Variants in SLC9A9 observed in about 807,000 individuals in gnomAD.
The protein encoded by SLC9A9 is sodium/hydrogen exchanger 9.
A neutral mutation model predicts 77.8 loss-of-function variants in SLC9A9; 62 were observed. That is an observed-to-expected ratio of 0.80 (90% CI 0.65 to 0.98). SLC9A9 has a LOEUF of 0.98. Ranked by LOEUF, SLC9A9 falls within the 50% of genes least tolerant of loss-of-function variation. The pLI is 0.00. For missense variants in SLC9A9, 775 were observed against 774.9 expected (o/e 1.00, Z 0.00); for synonymous variants, 320 against 283.5 (o/e 1.13, Z -1.29).
intron 6 of SLC9A9, among the ~76,000 whole-genome samples, chr3:143,613,649 T>G (rs2038054717): frequency 6.6e-6 from 1 of 152,144 alleles, no homozygotes. Flanking sequence ...CTTTCCTCTC[T>G]TCTCACTGAA....
intron 4 of SLC9A9, among the ~76,000 whole-genome samples, chr3:143,702,546 C>A (rs537452161): frequency 3.7e-3 from 312 of 85,072 alleles, no homozygotes; most frequent in African/African-American, 0.011. Flanking sequence ...ATGAAAACTG[C>A]AAATCAAAAA....
At chr3:143,294,950 A>G (rs1299946385) in intron 14 of SLC9A9, among the ~76,000 whole-genome samples, 1 of 152,230 alleles carries the variant, frequency 6.6e-6, no homozygotes, top group Non-Finnish European at 1.5e-5. Flanking sequence ...TGCAAAATGA[A>G]GAGCCTGATC....
chr3:143,406,440 C>T (rs576997644), intron 12 of SLC9A9, among the ~76,000 whole-genome samples: 15 of 151,596 alleles, frequency 9.9e-5, no homozygotes, highest in Admixed American at 7.2e-4. Flanking sequence ...TGCAATGGCG[C>T]GATCTCGACT....
At chr3:143,393,827 A>G (rs1197756484) in intron 12 of SLC9A9, among the ~76,000 whole-genome samples, 2 of 152,046 alleles carry the variant, frequency 1.3e-5, no homozygotes, top group African/African-American at 4.8e-5. Flanking sequence ...AAACATCTCT[A>G]TGCAAATAAA....
At chr3:143,724,317 C>T (rs1240624781) in intron 4 of SLC9A9, among the ~76,000 whole-genome samples, 1 of 152,154 alleles carries the variant, frequency 6.6e-6, no homozygotes, top group Non-Finnish European at 1.5e-5. Context: ...TGCCTTCCAC[C>T]ATGATTGTTA....
At position 143,492,143 on chromosome 3, in the gene SLC9A9, T is replaced by C. The variant is rs373844505; in HGVS notation, c.1315+1510A>G. 6.6e-5 allele frequency among the ~76,000 whole-genome samples: 10 copies of C among 151,916 alleles called. No individual in the cohort carries two copies. The East Asian group carries it at 1.6e-3, about 24-fold the overall frequency. On this transcript the variant is annotated intron_variant, in intron 11 of 15. Coordinates refer to ENST00000316549, the MANE Select transcript of SLC9A9 (RefSeq NM_173653.4). Reference sequence around the variant, plus strand: ...CCGTCTCTACTAAAAATACAAAAAATTAGCCGGGCGTGGTGGCAGGCGCCT... The same window carrying C: ...CCGTCTCTACTAAAAATACAAAAAACTAGCCGGGCGTGGTGGCAGGCGCCT...
At chr3:143,587,173 A>T (rs1559981519) in intron 6 of SLC9A9, among the ~76,000 whole-genome samples, 1 of 152,226 alleles carries the variant, frequency 6.6e-6, no homozygotes. Context: ...GAATTAATTG[A>T]TTCATTCCAT....
intron 14 of SLC9A9, among the ~76,000 whole-genome samples, chr3:143,279,984 G>T (rs1286403657): frequency 6.6e-6 from 1 of 152,064 alleles, no homozygotes; most frequent in Non-Finnish European, 1.5e-5. Context: ...GATACCCAGT[G>T]AATTTTTAAT....
At chr3:143,501,337 A>G (rs2035920254) in intron 9 of SLC9A9, among the ~76,000 whole-genome samples, 1 of 150,864 alleles carries the variant, frequency 6.6e-6, no homozygotes, top group Non-Finnish European at 1.5e-5. Context: ...ACATGTACAT[A>G]TCCATGTAAC....
chr3:143,539,866 G>T (rs1210039678), intron 9 of SLC9A9, among the ~76,000 whole-genome samples: 1 of 142,870 alleles, frequency 7.0e-6, no homozygotes, highest in Non-Finnish European at 1.5e-5. Context: ...TTTTCTAAAA[G>T]TGAAAAATTA....
intron 4 of SLC9A9, among the ~76,000 whole-genome samples, chr3:143,776,612 AT>A: frequency 6.6e-6 from 1 of 152,296 alleles, no homozygotes; most frequent in African/African-American, 2.4e-5. Flanking sequence ...ATAGAGAAGG[AT>A]TTTTATAAAT....
intron 6 of SLC9A9, among the ~76,000 whole-genome samples, chr3:143,619,671 C>G (rs2038166133): frequency 6.6e-6 from 1 of 152,172 alleles, no homozygotes; most frequent in South Asian, 2.1e-4. Flanking sequence ...TAAACTAGCT[C>G]TCATTAATCT....
intron 14 of SLC9A9, among the ~76,000 whole-genome samples, chr3:143,360,455 A>G (rs2032717838): frequency 1.3e-5 from 2 of 152,216 alleles, no homozygotes; most frequent in Non-Finnish European, 2.9e-5. Context: ...CTGTTGCAGC[A>G]GAGGCCAACC....
chr3:143,590,105 G>A (rs2037621337), intron 6 of SLC9A9, among the ~76,000 whole-genome samples: 1 of 152,132 alleles, frequency 6.6e-6, no homozygotes, highest in African/African-American at 2.4e-5. Context: ...CATATCTCCT[G>A]GCATTCATAC....
chr3:143,621,802 C>T (rs28882205), intron 6 of SLC9A9, among the ~76,000 whole-genome samples: 46,804 of 151,830 alleles, frequency 0.31, 7,531 homozygotes, highest in African/African-American at 0.4. Flanking sequence ...AGGCTTCAGA[C>T]GATCAAACTA....
intron 4 of SLC9A9, among the ~76,000 whole-genome samples, chr3:143,757,014 A>T (rs937597959): frequency 9.2e-5 from 14 of 152,190 alleles, no homozygotes; most frequent in Non-Finnish European, 1.6e-4. Flanking sequence ...TACTTTCTAC[A>T]GGGGCTTAGA....
At chr3:143,716,692 A>G (rs1307770768) in intron 4 of SLC9A9, among the ~76,000 whole-genome samples, 2 of 152,228 alleles carry the variant, frequency 1.3e-5, no homozygotes, top group Non-Finnish European at 2.9e-5. Flanking sequence ...GGGACAAAGT[A>G]TTGACACAAA....
chr3:143,358,841 A>G (rs2032661415), intron 14 of SLC9A9, among the ~76,000 whole-genome samples: 2 of 152,370 alleles, frequency 1.3e-5, no homozygotes, highest in East Asian at 3.9e-4. Flanking sequence ...GAGATAAGAC[A>G]TATGTATTCA....
chr3:143,462,643 C>G (rs1282461853), intron 12 of SLC9A9, among the ~76,000 whole-genome samples: 1 of 152,002 alleles, frequency 6.6e-6, no homozygotes, highest in African/African-American at 2.4e-5. Context: ...CGTAACTGTC[C>G]CAGGTCAAAA....
Sources: allele counts gnomAD v4.1 joint callset (sites outside exome capture counted in the v4.1 genomes callset), GRCh38; gene constraint gnomAD v4.1.1; transcripts MANE v1.5; gene names NCBI Gene and HGNC (gene_info 2026-07-23, HGNC 2026-07-21).